RERE: variants seen among roughly 807,000 people sequenced by gnomAD.
RERE encodes the protein arginine-glutamic acid dipeptide repeats protein.
In RERE, 40 loss-of-function variants were observed where a neutral mutation model predicts 146.1. The observed-to-expected ratio is 0.27, with a 90% CI of 0.21 to 0.36. The LOEUF (loss-of-function observed/expected upper bound fraction) is 0.36. Among genes scored for constraint, RERE ranks in the 10% least tolerant of loss-of-function variants. RERE has a pLI of 1.00. For synonymous variants in RERE, 1,003 were observed against 866.0 expected, an observed-to-expected ratio of 1.16 and a Z score of -2.78; for missense variants, 1,933 against 2,138.7, an observed-to-expected ratio of 0.90 and a Z score of 1.90.
In RERE at chr1:8,364,156, T is replaced by C; in HGVS notation, c.1640A>G (p.Lys547Arg). Residue 547 changes from lysine (K) to arginine (R), a missense_variant, in exon 15 of 23, where the codon AAG becomes AGG. By Grantham distance (26) the Lys-to-Arg change is conservative. This residue lies in a region of RERE where 260 missense variants were observed against 378.4 expected (regional missense o/e 0.69). Coordinates refer to ENST00000400908, the MANE Select transcript of RERE (RefSeq NM_001042681.2). This position sits in a 1 kb window ranked among gnomAD's most constrained non-coding sequence, Gnocchi z 5.1. Reference protein sequence around the residue: ...KKYGELPPIEKPVDPPPFMFK... With the variant: ...KKYGELPPIERPVDPPPFMFK... ...CATAAACGGTGGCGGGTCCACGGGC[T>C]TCTCAATGGGCGGGAGCTCACCGTA... 1 of 1,614,128 alleles carries C rather than the reference T, an allele frequency of 6.2e-7. No individual in the cohort carries two copies. The highest frequency in any genetic ancestry group is 8.5e-7 in the Non-Finnish European group (1 of 1,180,028).
At chr1:8,720,569 G>A (rs1436254726) in intron 1 of RERE, among the ~76,000 whole-genome samples, 1 of 152,130 alleles carries the variant, frequency 6.6e-6, no homozygotes, top group Non-Finnish European at 1.5e-5. Flanking sequence ...GCAAGAGAGA[G>A]CAAGCGAGCC....
intron 15 of RERE, 80 bp downstream of exon 15, chr1:8,363,976 C>A: frequency 7.5e-7 from 1 of 1,337,802 alleles, no homozygotes; most frequent in East Asian, 2.3e-5. Context: ...TTCGCTTCCT[C>A]CCCCTGGGAG....
intron 12 of RERE, among the ~76,000 whole-genome samples, chr1:8,414,842 A>G (rs1643718287): frequency 6.6e-6 from 1 of 151,902 alleles, no homozygotes; most frequent in East Asian, 1.9e-4. Flanking sequence ...CAAATTATAC[A>G]TGACAGGAAA....
At chr1:8,727,426 G>A (rs967930918) in intron 1 of RERE, among the ~76,000 whole-genome samples, 2 of 152,190 alleles carry the variant, frequency 1.3e-5, no homozygotes, top group Non-Finnish European at 2.9e-5. Flanking sequence ...ACAGATGTGA[G>A]CCACCGCATC....
chr1:8,430,825 T>C (rs1644086072), intron 11 of RERE, among the ~76,000 whole-genome samples: 1 of 152,038 alleles, frequency 6.6e-6, no homozygotes, highest in South Asian at 2.1e-4. Context: ...AAAGGTTAGG[T>C]AAATTAAATC....
chr1:8,743,601 T>A (rs1053452164), intron 1 of RERE, among the ~76,000 whole-genome samples: 1 of 152,030 alleles, frequency 6.6e-6, no homozygotes, highest in African/African-American at 2.4e-5. Flanking sequence ...CCAACTGATA[T>A]ATATTTCATC....
intron 7 of RERE, among the ~76,000 whole-genome samples, chr1:8,516,920 G>A (rs1428022954): frequency 6.6e-6 from 1 of 152,154 alleles, no homozygotes; most frequent in African/African-American, 2.4e-5. Flanking sequence ...AGACACATTC[G>A]TGATTGCCAG....
chr1:8,575,352 T>C (rs1570458796), intron 4 of RERE, among the ~76,000 whole-genome samples: 1 of 151,194 alleles, frequency 6.6e-6, no homozygotes, highest in Non-Finnish European at 1.5e-5. Flanking sequence ...CCATAAAATA[T>C]TAACTGATAA....
chr1:8,626,228 TAC>T (rs561400074), intron 2 of RERE, among the ~76,000 whole-genome samples: 41 of 152,308 alleles, frequency 2.7e-4, no homozygotes, highest in Middle Eastern at 3.4e-3. Context: ...AGCTCCAAAT[TAC>T]ACAATTTTGG....
chr1:8,645,527 T>A (rs1253021825), intron 2 of RERE, among the ~76,000 whole-genome samples: 1 of 152,220 alleles, frequency 6.6e-6, no homozygotes, highest in Non-Finnish European at 1.5e-5. Context: ...CTCTCAAATC[T>A]AAACGTGTGT....
chr1:8,467,925 T>G (rs569307415), intron 10 of RERE, among the ~76,000 whole-genome samples: 1 of 152,354 alleles, frequency 6.6e-6, no homozygotes, highest in Admixed American at 6.5e-5. Context: ...ATAACAGGCA[T>G]GAGCCACCGC....
At chr1:8,589,082 C>T (rs1646460857) in intron 4 of RERE, among the ~76,000 whole-genome samples, 1 of 152,022 alleles carries the variant, frequency 6.6e-6, no homozygotes, top group Non-Finnish European at 1.5e-5. Flanking sequence ...TGAGATGGTG[C>T]CACTACACTC....
chr1:8,359,360 A>G (rs6577484), intron 19 of RERE, among the ~76,000 whole-genome samples: 15,433 of 152,274 alleles, frequency 0.1, 935 homozygotes, highest in Middle Eastern at 0.21. Context: ...CCACAAAGGC[A>G]GGGCAGCTGG....
rs530947833 is a variant in RERE, at chr1:8,694,616, G to C, written c.-144-38175C>G. 3.3e-5 allele frequency among the ~76,000 whole-genome samples: 5 copies of C among 151,994 alleles called. No homozygotes were observed. In the South Asian group the frequency reaches 1.0e-3, roughly 32 times the overall value. On this transcript the variant is annotated intron_variant, in intron 1 of 22. Transcript: ENST00000400908. ...TCTACTAAAAATACAAAAATTAGCC[G>C]GGCGTGGTGGCACATGCCTGTAGTT...
chr1:8,691,669 A>G (rs189699188), intron 1 of RERE, among the ~76,000 whole-genome samples: 3 of 152,364 alleles, frequency 2.0e-5, no homozygotes, highest in Admixed American at 2.0e-4. Flanking sequence ...TACTCAAAGA[A>G]GTCCCTGATA....
chr1:8,573,819 T>C (rs1467076816), intron 4 of RERE, among the ~76,000 whole-genome samples: 2 of 152,156 alleles, frequency 1.3e-5, no homozygotes, highest in African/African-American at 2.4e-5. Flanking sequence ...GTGTTGCCTT[T>C]TATTTCTGGA....
At position 8,769,070 on chromosome 1, in the gene RERE, A is replaced by G. The variant is rs116908143; in HGVS notation, c.-145+48090T>C. Among the ~76,000 whole-genome samples the G allele has an allele frequency of 7.2e-5, 11 of 152,338 alleles. No individual in the cohort carries two copies. In the East Asian group the frequency reaches 2.1e-3, roughly 29 times the overall value. On this transcript the variant is annotated intron_variant, in intron 1 of 22. Coordinates refer to ENST00000400908, the MANE Select transcript of RERE (RefSeq NM_001042681.2). Reference sequence around the variant, plus strand: ...CATGTATCCATGCTTTGGGGCTATAAGGGTAGAGGTGAGTAGTTGTGACCA... The same window carrying G: ...CATGTATCCATGCTTTGGGGCTATAGGGGTAGAGGTGAGTAGTTGTGACCA...
intron 4 of RERE, among the ~76,000 whole-genome samples, chr1:8,591,490 C>T (rs1407573172): frequency 6.6e-6 from 1 of 151,682 alleles, no homozygotes; most frequent in Non-Finnish European, 1.5e-5. Flanking sequence ...CAAGTATCAT[C>T]ACCTATTTTC....
chr1:8,486,279 C>A (rs922566235), intron 10 of RERE, among the ~76,000 whole-genome samples: 1 of 152,136 alleles, frequency 6.6e-6, no homozygotes, highest in Non-Finnish European at 1.5e-5. Flanking sequence ...AACCAAGACA[C>A]ATCACATGCT....
Sources: gnomAD v4.1 joint callset for allele counts (sites outside exome capture counted in the v4.1 genomes callset) on GRCh38, gnomAD v4.1.1 for gene constraint, gnomAD v4.1.1 regional missense constraint, Gnocchi (gnomAD v3.1) non-coding constraint, MANE v1.5 for transcripts, NCBI Gene and HGNC (gene_info 2026-07-23, HGNC 2026-07-21) for gene names.